Variants in FRAS1 observed in about 807,000 individuals in gnomAD.
FRAS1 encodes the protein Fraser extracellular matrix complex subunit 1, also known as extracellular matrix organizing protein FRAS1.
Under a neutral mutation model 435.2 loss-of-function variants are expected in FRAS1, and 290 were observed. The observed-to-expected ratio is 0.67, with a 90% CI of 0.61 to 0.73. The LOEUF (loss-of-function observed/expected upper bound fraction) is 0.73, where lower values mean the gene tolerates loss of function less well. FRAS1 is among the 30% of genes least tolerant of loss of function. The pLI, the probability that FRAS1 is intolerant of heterozygous loss-of-function variation, is 0.00. For synonymous variants in FRAS1, 1,800 were observed against 1,851.0 expected (o/e 0.97, Z 0.71); for missense variants, 4,860 against 5,001.5 (o/e 0.97, Z 0.85).
In FRAS1 at chr4:78,318,363, T is replaced by C. The variant is rs184546075; in HGVS notation, c.1961-447T>C. On this transcript the variant is annotated intron_variant, in intron 17 of 73. Coordinates refer to ENST00000512123, the MANE Select transcript of FRAS1 (RefSeq NM_025074.7). ...GAGGAATTTGTTGCCTGGACCCCTA[T>C]GTAGTGGGTGTTGGATGACTCATGG... Among the ~76,000 whole-genome samples, 110 of 152,354 alleles carry C rather than the reference T, an allele frequency of 7.2e-4. 3 individuals carry two copies. The South Asian group carries it at 0.019, about 26-fold the overall frequency.
chr4:78,450,559 T>C (rs954276128), intron 45 of FRAS1: 13 of 512,124 alleles, frequency 2.5e-5, no homozygotes, highest in African/African-American at 2.1e-4. Context: ...TGACTTAGCA[T>C]TGGTGGCATT....
chr4:78,498,117 A>G (rs116034568), intron 60 of FRAS1, among the ~76,000 whole-genome samples: 1,750 of 152,294 alleles, frequency 0.011, 30 homozygotes, highest in African/African-American at 0.041. Context: ...GGGAAGGATA[A>G]CATTAGGAGA....
chr4:78,244,299 T>G (rs1725138641), intron 3 of FRAS1, among the ~76,000 whole-genome samples: 1 of 152,170 alleles, frequency 6.6e-6, no homozygotes, highest in African/African-American at 2.4e-5. Flanking sequence ...TTTCTTTTTA[T>G]TCTACTGGTT....
Position 78,432,586 on chromosome 4 carries a change from G to A in FRAS1, c.5199G>A (p.Arg1733=). 1.3e-6 allele frequency: 2 copies of A among 1,589,192 alleles called. No individual in the cohort carries two copies. Among genetic ancestry groups the A allele is most frequent in the Non-Finnish European group, 1.7e-6 (2 of 1,165,306 alleles). The stretch of plus-strand genomic sequence containing the variant: ...GTAAAAGCACAGCCATAATCACTAG[G>A]TCACACCTTGCTTACGTGGTAAGTT... The part of the protein sequence containing the change: ...VASKSTAIIT[R]SHLAYVDDSS... The change falls in exon 38 of 74, where the codon AGG becomes AGA. Residue 1733 remains arginine, a synonymous_variant. Coordinates refer to ENST00000512123, the MANE Select transcript of FRAS1 (RefSeq NM_025074.7).
intron 14 of FRAS1, among the ~76,000 whole-genome samples, chr4:78,307,541 C>G (rs376516546): frequency 4.1e-4 from 63 of 152,334 alleles, no homozygotes; most frequent in African/African-American, 1.4e-3. Context: ...AGCCAGGTGC[C>G]GGATTTAATC....
Position 78,481,829 on chromosome 4 carries a change from C to T in FRAS1, c.8469C>T (p.Arg2823=), listed in dbSNP as rs1560751882. The change falls in exon 57 of 74, where the codon CGC becomes CGT. Residue 2823 remains arginine, a synonymous_variant. Transcript: ENST00000512123. ...DAGTVKIPVI[R]HGTDLSTFAS... ...GCACAGTAAAGATTCCAGTTATCCG[C>T]CATGGTACTGACCTCTCTACTTTCG... 2 of 1,613,778 alleles carry T rather than the reference C, an allele frequency of 1.2e-6. No homozygotes were observed. The highest frequency in any genetic ancestry group is 2.2e-5 in the East Asian group (1 of 44,894).
intron 4 of FRAS1, among the ~76,000 whole-genome samples, chr4:78,252,183 G>A (rs1321025331): frequency 6.6e-6 from 1 of 152,018 alleles, no homozygotes; most frequent in Non-Finnish European, 1.5e-5. Context: ...AATCTTCGCG[G>A]TAATAGAAGG....
chr4:78,181,670 C>G (rs1722009170), intron 2 of FRAS1: 3 of 1,609,786 alleles, frequency 1.9e-6, no homozygotes, highest in Non-Finnish European at 2.5e-6. Flanking sequence ...TTCTGGTCTT[C>G]TATCAATTAT....
intron 2 of FRAS1, among the ~76,000 whole-genome samples, chr4:78,201,614 G>A (rs535171670): frequency 4.6e-5 from 7 of 152,280 alleles, no homozygotes; most frequent in African/African-American, 1.7e-4. Context: ...CATAGGATGT[G>A]CATGAATTCT....
At chr4:78,484,213 C>T (rs1424861984) in intron 58 of FRAS1, among the ~76,000 whole-genome samples, 3 of 152,234 alleles carry the variant, frequency 2.0e-5, no homozygotes, top group African/African-American at 7.2e-5. Context: ...CATGTTATTG[C>T]ATATGTGAGT....
intron 2 of FRAS1, among the ~76,000 whole-genome samples, chr4:78,075,729 A>G (rs1358229905): frequency 1.3e-5 from 2 of 152,222 alleles, no homozygotes. Context: ...AATATAGTAA[A>G]TAGATGCTCG....
chr4:78,239,048 G>A (rs1381172645), intron 3 of FRAS1, among the ~76,000 whole-genome samples: 4 of 152,182 alleles, frequency 2.6e-5, no homozygotes, highest in African/African-American at 7.2e-5. Flanking sequence ...ATTTGTTTAT[G>A]TATAGACCTT....
At chr4:78,217,621 A>G (rs1723825403) in intron 2 of FRAS1, among the ~76,000 whole-genome samples, 1 of 151,954 alleles carries the variant, frequency 6.6e-6, no homozygotes, top group Non-Finnish European at 1.5e-5. Context: ...GTTAGCTCTT[A>G]AGTCACTTCC....
chr4:78,518,436 ATATATATATATATATATTTATT>A (rs941297301), intron 66 of FRAS1, among the ~76,000 whole-genome samples: 9 of 118,770 alleles, frequency 7.6e-5, no homozygotes, highest in African/African-American at 3.1e-4. Flanking sequence ...ATATATATAT[ATATATATATATATATATTTATT>A]TATTTATTTA....
chr4:78,413,060 C>T lies in FRAS1; in HGVS notation c.4400C>T (p.Ser1467Phe), dbSNP rs961409541. The part of the protein sequence containing the change: ...LPQTPEAPKV[S>F]LEASLHMTAR... The stretch of plus-strand genomic sequence containing the variant: ...CAGACACCTGAAGCACCTAAAGTGT[C>T]TCTGGAAGCATCTCTCCATATGACT... The change falls in exon 32 of 74, where the codon TCT becomes TTT. Residue 1467 changes from serine (S) to phenylalanine (F), a missense_variant. Ser to Phe is a radical substitution (Grantham distance 155). Transcript: ENST00000512123. The T allele has an allele frequency of 3.7e-6, 6 of 1,609,216 alleles. No individual in the cohort carries two copies. The highest frequency in any genetic ancestry group is 5.1e-6 in the Non-Finnish European group (6 of 1,177,614).
chr4:78,508,300 T>C (rs989505510), intron 62 of FRAS1, among the ~76,000 whole-genome samples: 2 of 152,240 alleles, frequency 1.3e-5, no homozygotes, highest in Non-Finnish European at 1.5e-5. Context: ...TATTTCAAAA[T>C]GTGTCTCTTA....
intron 47 of FRAS1, among the ~76,000 whole-genome samples, chr4:78,454,784 T>G (rs755416694): frequency 2.6e-5 from 4 of 152,060 alleles, no homozygotes; most frequent in African/African-American, 7.2e-5. Flanking sequence ...GTGTTAAGAG[T>G]CCTGTTAGGG....
intron 14 of FRAS1, among the ~76,000 whole-genome samples, chr4:78,300,221 A>C (rs1728321093): frequency 6.6e-6 from 1 of 152,194 alleles, no homozygotes; most frequent in Non-Finnish European, 1.5e-5. Flanking sequence ...TTTAACTATA[A>C]TTTAGTACCA....
intron 32 of FRAS1, among the ~76,000 whole-genome samples, 176 bp downstream of exon 32, chr4:78,413,261 TTC>T (rs1242526868): frequency 6.6e-6 from 1 of 152,180 alleles, no homozygotes; most frequent in Non-Finnish European, 1.5e-5. Context: ...GAACTTAAAA[TTC>T]CCAGAGTGAA....
Sources: gnomAD v4.1 joint callset for allele counts (sites outside exome capture counted in the v4.1 genomes callset) on GRCh38, gnomAD v4.1.1 for gene constraint, MANE v1.5 for transcripts, NCBI Gene and HGNC (gene_info 2026-07-23, HGNC 2026-07-21) for gene names.